Variants in AGBL1 observed in about 807,000 individuals in gnomAD.
The protein encoded by AGBL1 is AGBL carboxypeptidase 1.
In AGBL1, 130 loss-of-function variants were observed where a neutral mutation model predicts 118.9. That is an observed-to-expected ratio of 1.09 (90% confidence interval 0.95 to 1.26). The LOEUF is 1.26. AGBL1 is among the 50% of genes most tolerant of loss of function. The probability of loss-of-function intolerance (pLI) is 0.00; values close to 1 mark genes in which losing one functional copy is unlikely to be tolerated. For missense variants in AGBL1, 1,584 were observed against 1,298.1 expected, an observed-to-expected ratio of 1.22 and a Z score of -3.38; for synonymous variants, 555 against 478.9, an observed-to-expected ratio of 1.16 and a Z score of -2.08.
intron 22 of AGBL1, among the ~76,000 whole-genome samples, chr15:86,855,229 T>C (rs1168810703): frequency 6.6e-6 from 1 of 152,220 alleles, no homozygotes; most frequent in Non-Finnish European, 1.5e-5. Context: ...GTTTCCACGA[T>C]GTTATTGGGC....
intron 22 of AGBL1, among the ~76,000 whole-genome samples, chr15:86,685,909 A>G (rs753068207): frequency 6.6e-6 from 1 of 152,156 alleles, no homozygotes; most frequent in Non-Finnish European, 1.5e-5. Context: ...TCTTTACCGA[A>G]GAGCTGACTT....
chr15:86,646,881 GA>G (rs2142483762), intron 21 of AGBL1, among the ~76,000 whole-genome samples: 1 of 152,248 alleles, frequency 6.6e-6, no homozygotes, highest in Non-Finnish European at 1.5e-5. Context: ...CATTCTAAAA[GA>G]TATATTTTAA....
At chr15:86,307,730 T>G (rs113342388) in intron 17 of AGBL1, among the ~76,000 whole-genome samples, 5 of 151,932 alleles carry the variant, frequency 3.3e-5, no homozygotes, top group African/African-American at 1.2e-4. Context: ...AGTGAGACCC[T>G]GTCTTAAAAA....
At chr15:87,003,307 C>G (rs2081460657) in intron 24 of AGBL1, among the ~76,000 whole-genome samples, 1 of 151,918 alleles carries the variant, frequency 6.6e-6, no homozygotes, top group African/African-American at 2.4e-5. Context: ...TTGAACCAGT[C>G]TTGCATCCCA....
chr15:87,006,486 C>T (rs369181815), intron 24 of AGBL1, among the ~76,000 whole-genome samples: 25 of 152,288 alleles, frequency 1.6e-4, no homozygotes, highest in South Asian at 8.3e-4. Context: ...TGGTACCCTC[C>T]GAGCCAGGCA....
At chr15:86,970,861 A>T (rs937712910) in intron 23 of AGBL1, among the ~76,000 whole-genome samples, 1 of 152,030 alleles carries the variant, frequency 6.6e-6, no homozygotes, top group Non-Finnish European at 1.5e-5. Flanking sequence ...TGAGGTTTTA[A>T]AATGTTTGGA....
In AGBL1 at chr15:86,641,925, A is replaced by C. The variant is rs149278426; in HGVS notation, c.2995-32348A>C. Among the ~76,000 whole-genome samples the C allele has an allele frequency of 3.3e-3, 498 of 152,324 alleles. 1 individual carries two copies. Among genetic ancestry groups the C allele is most frequent in the African/African-American group, 0.011 (474 of 41,576 alleles). Reference sequence around the variant, plus strand: ...GCTTTAGGCTAGGGCTTGGGTGGGCAGGTCTACTTCAGACTGTGAAAGGAC... The same window carrying C: ...GCTTTAGGCTAGGGCTTGGGTGGGCCGGTCTACTTCAGACTGTGAAAGGAC... On this transcript the variant is annotated intron_variant, in intron 21 of 22. Coordinates refer to ENST00000614907, the MANE Select transcript of AGBL1 (RefSeq NM_001386094.1).
At chr15:86,852,027 C>G (rs1195642961) in intron 22 of AGBL1, among the ~76,000 whole-genome samples, 1 of 152,156 alleles carries the variant, frequency 6.6e-6, no homozygotes, top group African/African-American at 2.4e-5. Context: ...TACATAAACA[C>G]TGTTGGATGG....
chr15:86,742,998 T>C (rs2077701740), intron 22 of AGBL1, among the ~76,000 whole-genome samples: 1 of 152,080 alleles, frequency 6.6e-6, no homozygotes, highest in Non-Finnish European at 1.5e-5. Context: ...TCAAAAAATT[T>C]GTATTTTGTT....
At chr15:86,449,398 T>C (rs112340874) in intron 18 of AGBL1, among the ~76,000 whole-genome samples, 7 of 152,336 alleles carry the variant, frequency 4.6e-5, no homozygotes, top group African/African-American at 1.7e-4. Flanking sequence ...GGTTATGAGA[T>C]CTTCAATTGG....
chr15:86,508,447 G>A (rs886397531), intron 18 of AGBL1, among the ~76,000 whole-genome samples: 15 of 152,032 alleles, frequency 9.9e-5, no homozygotes, highest in Non-Finnish European at 2.2e-4. Context: ...CTTTTTCCAG[G>A]AAACCTATTT....
At chr15:87,027,458 GTATTA>G (rs1361350807) in intron 24 of AGBL1, among the ~76,000 whole-genome samples, 1 of 37,624 alleles carries the variant, frequency 2.7e-5, no homozygotes, top group African/African-American at 2.3e-4. Context: ...TTATATAGAT[GTATTA>G]TGCATTATAT....
chr15:87,030,094 G>T (rs908573546), downstream of AGBL1, among the ~76,000 whole-genome samples: 1 of 151,860 alleles, frequency 6.6e-6, no homozygotes, highest in South Asian at 2.1e-4. Context: ...TAAACTTAAG[G>T]TATCTGGAAA....
chr15:86,813,012 G>A (rs1596505925), intron 22 of AGBL1, among the ~76,000 whole-genome samples: 1 of 152,134 alleles, frequency 6.6e-6, no homozygotes. Context: ...AAGAATGAGT[G>A]AGAATTGTCC....
At chr15:86,557,902 A>G (rs1253014127) in intron 21 of AGBL1, among the ~76,000 whole-genome samples, 1 of 152,170 alleles carries the variant, frequency 6.6e-6, no homozygotes, top group African/African-American at 2.4e-5. Flanking sequence ...AAAGAGAAGA[A>G]ATTATTGTGG....
chr15:86,219,204 C>T (rs1163375900), intron 5 of AGBL1, among the ~76,000 whole-genome samples: 2 of 152,088 alleles, frequency 1.3e-5, no homozygotes, highest in African/African-American at 4.8e-5. Context: ...CCTGCAAACA[C>T]ATATACAGAG....
intron 1 of AGBL1, among the ~76,000 whole-genome samples, chr15:86,102,480 G>T (rs1481003630): frequency 6.6e-6 from 1 of 152,158 alleles, no homozygotes; most frequent in Non-Finnish European, 1.5e-5. Flanking sequence ...GTCTAGTGGT[G>T]ATACCTTTTC....
At chr15:86,336,710 G>C (rs1276956126) in intron 17 of AGBL1, among the ~76,000 whole-genome samples, 1 of 152,174 alleles carries the variant, frequency 6.6e-6, no homozygotes, top group Non-Finnish European at 1.5e-5. Flanking sequence ...CATTTTCAGG[G>C]CTTTTGCTTA....
intron 18 of AGBL1, among the ~76,000 whole-genome samples, chr15:86,411,386 C>T (rs1311226547): frequency 6.6e-6 from 1 of 152,132 alleles, no homozygotes; most frequent in East Asian, 1.9e-4. Context: ...TGGAAAATTG[C>T]CCGAGAGCCT....
Sources: allele counts gnomAD v4.1 joint callset (sites outside exome capture counted in the v4.1 genomes callset), GRCh38; gene constraint gnomAD v4.1.1; transcripts MANE v1.5; gene names NCBI Gene and HGNC (gene_info 2026-07-23, HGNC 2026-07-21).